Variants in EBF2 observed in about 807,000 individuals in gnomAD.
EBF2 encodes transcription factor COE2.
A neutral mutation model predicts 72.8 loss-of-function variants in EBF2; 21 were observed. That is an observed-to-expected ratio of 0.29 (90% CI 0.20 to 0.42). The LOEUF is 0.42. EBF2 is among the 10% of genes least tolerant of loss of function. The pLI is 1.00. For synonymous variants in EBF2, 299 were observed against 274.2 expected (o/e 1.09, Z -0.89); for missense variants, 637 against 731.2 (o/e 0.87, Z 1.49).
chr8:26,011,286 T>C (rs990871619), intron 6 of EBF2, among the ~76,000 whole-genome samples: 4 of 152,368 alleles, frequency 2.6e-5, no homozygotes, highest in South Asian at 4.1e-4. Flanking sequence ...GTTGCGTTTG[T>C]GAAACAACTA....
intron 6 of EBF2, among the ~76,000 whole-genome samples, chr8:26,001,652 G>T: frequency 6.6e-6 from 1 of 151,934 alleles, no homozygotes; most frequent in Non-Finnish European, 1.5e-5. Context: ...GAGTTCAAGC[G>T]ATTCTCCTGC....
chr8:25,849,022 C>G (rs975548425), intron 15 of EBF2, among the ~76,000 whole-genome samples: 1 of 152,134 alleles, frequency 6.6e-6, no homozygotes, highest in African/African-American at 2.4e-5. Flanking sequence ...AACCACTGGT[C>G]TTTGATGAAA....
chr8:26,005,470 T>TTATTTATAA (rs1804849742), intron 6 of EBF2, among the ~76,000 whole-genome samples: 1 of 27,986 alleles, frequency 3.6e-5, no homozygotes, highest in Non-Finnish European at 5.7e-5. Flanking sequence ...TTATAAAATA[T>TTATTTATAA]AATATTATTT....
chr8:25,970,939 C>T (rs971585803), intron 6 of EBF2, among the ~76,000 whole-genome samples: 2 of 152,106 alleles, frequency 1.3e-5, no homozygotes, highest in Non-Finnish European at 2.9e-5. Context: ...CTCAAGCAAC[C>T]CTCCCACTTC....
chr8:26,040,138 A>G (rs1185737698), intron 4 of EBF2, 37 bp from the exon 5 acceptor site: 1 of 1,596,982 alleles, frequency 6.3e-7, no homozygotes, highest in Non-Finnish European at 8.6e-7. Flanking sequence ...GAAGATGTGG[A>G]GAGGGGTGGG....
intron 6 of EBF2, among the ~76,000 whole-genome samples, chr8:25,995,810 T>G (rs1039487428): frequency 2.6e-4 from 39 of 152,070 alleles, no homozygotes; most frequent in African/African-American, 9.4e-4. Context: ...AAAAAGCTAA[T>G]TTTATAATAA....
At chr8:26,018,013 A>G (rs1487437785) in intron 6 of EBF2, among the ~76,000 whole-genome samples, 1 of 152,102 alleles carries the variant, frequency 6.6e-6, no homozygotes, top group Non-Finnish European at 1.5e-5. Context: ...CGATAAGGCA[A>G]TTATTTCTTT....
Position 25,844,515 on chromosome 8 carries a change from G to T in EBF2, c.*94C>A. ...AGGGTGTCCATCATGTTCATGTGGGGGCACCACTACACCCCCAAAAGAGCT... is the reference window on the plus strand; with the variant it reads ...AGGGTGTCCATCATGTTCATGTGGGTGCACCACTACACCCCCAAAAGAGCT... On this transcript the variant is annotated 3_prime_UTR_variant, in exon 16 of 16. Transcript: ENST00000520164. The T allele has an allele frequency of 1.4e-6, 2 of 1,427,926 alleles. No homozygotes were observed. The highest frequency in any genetic ancestry group is 1.2e-5 in the South Asian group (1 of 86,160). The allele number at this position is 1,427,926 out of a possible 1,614,324, so 88.5% of individuals were successfully genotyped here.
At chr8:25,945,488 G>A (rs1325966443) in intron 6 of EBF2, among the ~76,000 whole-genome samples, 2 of 151,914 alleles carry the variant, frequency 1.3e-5, no homozygotes, top group African/African-American at 2.4e-5. Context: ...GAAGTAAAAA[G>A]AGCCTCCCTA....
chr8:25,900,298 A>G (rs1384232457), intron 7 of EBF2, among the ~76,000 whole-genome samples: 1 of 152,130 alleles, frequency 6.6e-6, no homozygotes, highest in Non-Finnish European at 1.5e-5. Context: ...TCTACAAAAA[A>G]CACAAAAATT....
chr8:25,992,290 C>G, intron 6 of EBF2, among the ~76,000 whole-genome samples: 1 of 140,630 alleles, frequency 7.1e-6, no homozygotes, highest in Admixed American at 7.8e-5. Flanking sequence ...GCCACGATCG[C>G]GCCATTGCAC....
chr8:25,950,976 G>C (rs555285432), intron 6 of EBF2, among the ~76,000 whole-genome samples: 1 of 152,206 alleles, frequency 6.6e-6, no homozygotes. Flanking sequence ...CCCAGCCAAG[G>C]ACAAAGTAAT....
intron 6 of EBF2, among the ~76,000 whole-genome samples, chr8:25,934,233 A>G (rs1393681942): frequency 6.3e-5 from 5 of 79,226 alleles, no homozygotes; most frequent in African/African-American, 3.5e-4. Context: ...ATACACACAC[A>G]CACACACACA....
chr8:25,850,913 AC>A, intron 14 of EBF2, 152 bp from the exon 15 acceptor site: 1 of 809,808 alleles, frequency 1.2e-6, no homozygotes, highest in East Asian at 3.2e-5. Flanking sequence ...CAACATTCCC[AC>A]CATGTCCAGT....
chr8:26,041,241 G>A (rs1451144109), intron 2 of EBF2: 2 of 572,410 alleles, frequency 3.5e-6, no homozygotes, highest in Non-Finnish European at 6.2e-6. Context: ...CCTTAAAAAT[G>A]TCCTCAGAAG....
chr8:25,892,578 T>C (rs1426636850), intron 7 of EBF2, among the ~76,000 whole-genome samples: 3 of 152,222 alleles, frequency 2.0e-5, no homozygotes, highest in African/African-American at 4.8e-5. Flanking sequence ...TTTTTTTCTT[T>C]GCCCTGAAGA....
chr8:25,850,524 T>C, intron 15 of EBF2, 70 bp downstream of exon 15: 1 of 1,439,372 alleles, frequency 6.9e-7, no homozygotes, highest in Non-Finnish European at 9.2e-7. Flanking sequence ...TATACAATGA[T>C]GTGCTGTTTG....
chr8:26,010,517 C>T (rs994534649), intron 6 of EBF2, among the ~76,000 whole-genome samples: 3 of 152,160 alleles, frequency 2.0e-5, no homozygotes, highest in African/African-American at 7.2e-5. Context: ...AACCCAGTAG[C>T]GGCTAATCAA....
intron 6 of EBF2, among the ~76,000 whole-genome samples, chr8:26,025,232 G>A (rs1303613811): frequency 2.0e-5 from 3 of 152,090 alleles, no homozygotes; most frequent in Non-Finnish European, 4.4e-5. Context: ...TTCGAATGTT[G>A]GGACCTAGGT....
Sources: gnomAD v4.1 joint callset for allele counts (sites outside exome capture counted in the v4.1 genomes callset) on GRCh38, gnomAD v4.1.1 for gene constraint, MANE v1.5 for transcripts, NCBI Gene and HGNC (gene_info 2026-07-23, HGNC 2026-07-21) for gene names.